NHLRC2: variants seen among roughly 807,000 people sequenced by gnomAD.
The protein encoded by NHLRC2 is NHL repeat containing 2, also known as NHL repeat-containing protein 2.
Under a neutral mutation model 68.1 loss-of-function variants are expected in NHLRC2, and 33 were observed. The observed-to-expected ratio is 0.48, with a 90% CI of 0.37 to 0.65. The LOEUF (loss-of-function observed/expected upper bound fraction) is 0.65, where lower values mean the gene tolerates loss of function less well. Ranked by LOEUF, NHLRC2 falls within the 30% of genes least tolerant of loss-of-function variation. The probability of loss-of-function intolerance (pLI) is 0.00; values close to 1 mark genes in which losing one functional copy is unlikely to be tolerated. For missense variants in NHLRC2, 761 were observed against 853.8 expected (o/e 0.89, Z 1.35); for synonymous variants, 311 against 309.6 (o/e 1.00, Z -0.05).
chr10:113,859,038 C>T (rs1845790899), intron 2 of NHLRC2, among the ~76,000 whole-genome samples: 1 of 152,086 alleles, frequency 6.6e-6, no homozygotes, highest in Non-Finnish European at 1.5e-5. Context: ...ACACTGTTTT[C>T]ACTGTGATAC....
intron 2 of NHLRC2, among the ~76,000 whole-genome samples, chr10:113,872,057 A>G (rs1845930781): frequency 6.6e-6 from 1 of 152,108 alleles, no homozygotes; most frequent in African/African-American, 2.4e-5. Flanking sequence ...AAGCTCCAAT[A>G]CAAAGTATAA....
At position 113,854,716 on chromosome 10, in the gene NHLRC2, A is replaced by G. The variant is rs1225194252; in HGVS notation, c.-157A>G. The G allele has an allele frequency of 8.1e-6, 5 of 617,906 alleles. No homozygotes were observed. The highest frequency in any genetic ancestry group is 7.6e-5 in the African/African-American group (4 of 52,596). 38.3% of individuals were successfully genotyped at this position (617,906 alleles called of 1,614,324 possible). On this transcript the variant is annotated 5_prime_UTR_variant, in exon 1 of 11. An upstream start codon of the reference 5' UTR is lost. Transcript: ENST00000369301. The stretch of plus-strand genomic sequence containing the variant: ...ATTTGGACTTTTGGCACTTGGACCT[A>G]TGCTTTAAAAAGAAAAAAGTGTCAT...
chr10:113,866,736 G>A (rs80356394), intron 2 of NHLRC2, among the ~76,000 whole-genome samples: 1 of 151,382 alleles, frequency 6.6e-6, no homozygotes, highest in Admixed American at 6.6e-5. Context: ...TCGCCTGCCC[G>A]CCTCCCCGCC....
Position 113,876,951 on chromosome 10 carries a change from T to C in NHLRC2, c.762T>C (p.Asn254=). ...ATAGAATTTTGGTCGTTTGGAAGAA[T>C]GGACAAATTCAATATAGCATTGGAG... ...GHHRILVVWK[N]GQIQYSIGGP... The change falls in exon 3 of 11, where the codon AAT becomes AAC. Residue 254 remains asparagine (N), a synonymous_variant. Coordinates refer to ENST00000369301, the MANE Select transcript of NHLRC2 (RefSeq NM_198514.4). 1 of 1,599,008 alleles carries C rather than the reference T, an allele frequency of 6.3e-7. No individual in the cohort carries two copies. The highest frequency in any genetic ancestry group is 8.5e-7 in the Non-Finnish European group (1 of 1,174,442).
intron 10 of NHLRC2, among the ~76,000 whole-genome samples, chr10:113,907,733 G>C (rs932245895): frequency 2.0e-5 from 3 of 151,890 alleles, no homozygotes; most frequent in African/African-American, 7.3e-5. Context: ...GATATGCAAT[G>C]GTACCTGTTT....
intron 5 of NHLRC2, among the ~76,000 whole-genome samples, chr10:113,896,949 G>A (rs1047331022): frequency 7.3e-5 from 11 of 150,272 alleles, no homozygotes; most frequent in Non-Finnish European, 1.3e-4. Context: ...AGCCGAGATT[G>A]CTCCACTGCA....
chr10:113,873,639 A>C (rs1003956006), intron 2 of NHLRC2, among the ~76,000 whole-genome samples: 1 of 152,160 alleles, frequency 6.6e-6, no homozygotes, highest in Non-Finnish European at 1.5e-5. Context: ...CTGGCAAATT[A>C]TATCTCCTGA....
Position 113,855,069 on chromosome 10 carries a change from G to C in NHLRC2, c.178+19G>C, listed in dbSNP as rs781327482. ...CCGGAAGGTGAGGGGCTGGCGTCGG[G>C]GTGGGGGCCCCTCCCGGCACCTCCC... On this transcript the variant is annotated intron_variant, in intron 1 of 10. Transcript: ENST00000369301. 5.8e-6 allele frequency: 9 copies of C among 1,548,564 alleles called. No individual in the cohort carries two copies. Among genetic ancestry groups the C allele is most frequent in the Non-Finnish European group, 7.9e-6 (9 of 1,144,922 alleles).
chr10:113,884,407 A>G, intron 5 of NHLRC2, 27 bp downstream of exon 5: 1 of 1,588,842 alleles, frequency 6.3e-7, no homozygotes, highest in East Asian at 2.3e-5. Flanking sequence ...TATTAAATGT[A>G]AAGGTAAATT....
intron 2 of NHLRC2, among the ~76,000 whole-genome samples, chr10:113,870,115 A>G (rs1845908370): frequency 6.6e-6 from 1 of 152,186 alleles, no homozygotes; most frequent in Admixed American, 6.5e-5. Flanking sequence ...TAATTCAGAA[A>G]TTACTTAGGC....
intron 2 of NHLRC2, among the ~76,000 whole-genome samples, chr10:113,864,284 T>C (rs1845842788): frequency 6.6e-6 from 1 of 152,160 alleles, no homozygotes; most frequent in Admixed American, 6.5e-5. Flanking sequence ...TTTTGCGAGA[T>C]GAAATGAGTT....
At position 113,902,548 on chromosome 10, in the gene NHLRC2, C is replaced by CA. The variant is rs1054030952; in HGVS notation, c.1456dup (p.Arg486LysfsTer15). On this transcript the variant is annotated frameshift_variant, in exon 8 of 11. Transcript: ENST00000369301. LOFTEE classifies it high-confidence loss of function. The stretch of plus-strand genomic sequence containing the variant: ...AACACCCCCTTGGAGTAACATGGGA[C>CA]AAAAAAAGGAATTTACTTTATGTTG... The CA allele has an allele frequency of 1.2e-6, 2 of 1,606,346 alleles. No individual in the cohort carries two copies. Among genetic ancestry groups the CA allele is most frequent in the East Asian group, 2.2e-5 (1 of 44,704 alleles).
At chr10:113,865,362 T>C (rs1845856937) in intron 2 of NHLRC2, among the ~76,000 whole-genome samples, 1 of 146,492 alleles carries the variant, frequency 6.8e-6, no homozygotes, top group Non-Finnish European at 1.5e-5. Flanking sequence ...GCCCAATAAC[T>C]CACTTGTTAA....
chr10:113,904,964 C>A lies in NHLRC2; in HGVS notation c.1852C>A (p.Leu618Ile). 1 of 1,571,682 alleles carries A rather than the reference C, an allele frequency of 6.4e-7. No homozygotes were observed. The highest frequency in any genetic ancestry group is 1.2e-5 in the South Asian group (1 of 83,802). Residue 618 changes from leucine to isoleucine, a missense_variant, in exon 10 of 11, where the codon CTC (leucine) becomes ATC (isoleucine). Coordinates refer to ENST00000369301, the MANE Select transcript of NHLRC2 (RefSeq NM_198514.4). ...ACAGQTLQFK[L>I]RLDLPSGSKL... is the part of the protein sequence containing the mutation. ...TGCTGGCCAGACTCTTCAGTTCAAA[C>A]TCAGATTAGACCTCCCATCAGGATC...
At chr10:113,879,972 T>C (rs1366065747) in intron 4 of NHLRC2, among the ~76,000 whole-genome samples, 1 of 152,060 alleles carries the variant, frequency 6.6e-6, no homozygotes, top group Non-Finnish European at 1.5e-5. Flanking sequence ...TTTTGAAGTA[T>C]CTTCCTAACC....
intron 4 of NHLRC2, among the ~76,000 whole-genome samples, chr10:113,881,578 A>AC (rs1846036486): frequency 6.6e-6 from 1 of 151,328 alleles, no homozygotes; most frequent in Admixed American, 6.6e-5. Context: ...ACTTCCCCAT[A>AC]CCCCCAACTC....
In NHLRC2 at chr10:113,903,549, C is replaced by CA; in HGVS notation, c.1523dup (p.Asn508LysfsTer13). ...TAGATTAAAGTTGTGGATCCAAAAA[C>CA]AAAAAACTGTACAACATTAGCAGGA... is the stretch of plus-strand genomic sequence containing the variant. On this transcript the variant is annotated frameshift_variant, in exon 9 of 11. Coordinates refer to ENST00000369301, the MANE Select transcript of NHLRC2 (RefSeq NM_198514.4). LOFTEE classifies it high-confidence loss of function. The CA allele has an allele frequency of 6.2e-7, 1 of 1,603,354 alleles. No individual in the cohort carries two copies. The highest frequency in any genetic ancestry group is 8.5e-7 in the Non-Finnish European group (1 of 1,176,214).
intron 5 of NHLRC2, among the ~76,000 whole-genome samples, chr10:113,889,540 T>A (rs894362337): frequency 6.6e-6 from 1 of 152,310 alleles, no homozygotes; most frequent in Admixed American, 6.5e-5. Context: ...TACTGCCTTA[T>A]CACATTGACT....
chr10:113,867,778 G>A (rs1845882550), intron 2 of NHLRC2, among the ~76,000 whole-genome samples: 1 of 151,986 alleles, frequency 6.6e-6, no homozygotes, highest in East Asian at 1.9e-4. Flanking sequence ...AGCATCTTTC[G>A]AAATGCCTCA....
Sources: gnomAD v4.1 joint callset for allele counts (sites outside exome capture counted in the v4.1 genomes callset) on GRCh38, gnomAD v4.1.1 for gene constraint, MANE v1.5 for transcripts, NCBI Gene and HGNC (gene_info 2026-07-23, HGNC 2026-07-21) for gene names.